The following MARCHF8 variants were observed in gnomAD, a reference collection of about 807,000 sequenced individuals.
MARCHF8 encodes membrane associated ring-CH-type finger 8, also known as E3 ubiquitin-protein ligase MARCHF8.
A neutral mutation model predicts 51.6 loss-of-function variants in MARCHF8; 40 were observed. That is an observed-to-expected ratio of 0.77 (90% confidence interval 0.60 to 1.01). The LOEUF (loss-of-function observed/expected upper bound fraction) is 1.01. MARCHF8 is among the 50% of genes least tolerant of loss of function. The pLI, the probability that MARCHF8 is intolerant of heterozygous loss-of-function variation, is 0.00. For synonymous variants in MARCHF8, 263 were observed against 280.3 expected (o/e 0.94, Z 0.62); for missense variants, 685 against 708.6 (o/e 0.97, Z 0.38).
At position 45,501,781 on chromosome 10, in the gene MARCHF8, T is replaced by C. The variant is rs145571184; in HGVS notation, c.103-12364A>G. ...GTATTTAGAATACAGAAAGAATTCT[T>C]AGACCTGAACATTTTTAAAAATCCA... On this transcript the variant is annotated intron_variant, in intron 2 of 7. Transcript: ENST00000453424. Among the ~76,000 whole-genome samples, 3 of 152,252 alleles carry C rather than the reference T, an allele frequency of 2.0e-5. No individual in the cohort carries two copies. In the East Asian group the frequency reaches 5.8e-4, roughly 29 times the overall value.
intron 2 of MARCHF8, among the ~76,000 whole-genome samples, chr10:45,508,538 C>T (rs533377483): frequency 6.6e-6 from 1 of 152,256 alleles, no homozygotes; most frequent in African/African-American, 2.4e-5. Context: ...TACAACTTCA[C>T]TTTTCAAATG....
At chr10:45,532,997 G>T in intron 2 of MARCHF8, 113 bp downstream of exon 2, 1 of 703,082 alleles carries the variant, frequency 1.4e-6, no homozygotes, top group Non-Finnish European at 2.1e-6. Flanking sequence ...TTGTGTGCTT[G>T]TCAGTATATT....
chr10:45,515,968 T>C (rs921021791), intron 2 of MARCHF8, among the ~76,000 whole-genome samples: 1 of 152,208 alleles, frequency 6.6e-6, no homozygotes, highest in African/African-American at 2.4e-5. Flanking sequence ...TCTTACGAGA[T>C]TTCATGTCCA....
intron 1 of MARCHF8, among the ~76,000 whole-genome samples, chr10:45,578,300 A>C (rs2044512606): frequency 6.6e-6 from 1 of 152,222 alleles, no homozygotes; most frequent in Non-Finnish European, 1.5e-5. Flanking sequence ...TACTCAAAGA[A>C]TTCTGGAGAC....
rs954540671 is a variant in MARCHF8 at position 45,469,814 on chromosome 10, G to A, written c.154-5487C>T. On this transcript the variant is annotated intron_variant, in intron 3 of 7. Coordinates refer to ENST00000453424, the MANE Select transcript of MARCHF8 (RefSeq NM_001282866.2). The stretch of plus-strand genomic sequence containing the variant: ...CGGGAGGCGGAGCTTGCAGTGAGCC[G>A]AGATCGCGCCACTGCACTCCAGCCT... Among the ~76,000 whole-genome samples the A allele has an allele frequency of 2.4e-3, 294 of 123,650 alleles. 1 individual carries two copies. Among genetic ancestry groups the A allele is most frequent in the African/African-American group, 8.6e-3 (279 of 32,260 alleles). The allele number at this position is 123,650 out of a possible 152,430, so 81.1% of individuals were successfully genotyped here.
intron 2 of MARCHF8, among the ~76,000 whole-genome samples, chr10:45,512,826 G>A (rs1171511910): frequency 2.5e-4 from 38 of 152,116 alleles, no homozygotes; most frequent in Non-Finnish European, 3.1e-4. Context: ...GATGGTTGCC[G>A]TGTCTGTGTA....
intron 1 of MARCHF8, among the ~76,000 whole-genome samples, chr10:45,554,092 TG>T (rs1393268804): frequency 2.0e-5 from 3 of 152,212 alleles, no homozygotes; most frequent in Non-Finnish European, 4.4e-5. Flanking sequence ...TTATTTCAAA[TG>T]ATTTAAAACA....
At chr10:45,515,761 G>A (rs2043608352) in intron 2 of MARCHF8, among the ~76,000 whole-genome samples, 1 of 152,180 alleles carries the variant, frequency 6.6e-6, no homozygotes, top group African/African-American at 2.4e-5. Context: ...ATGCCGTGTT[G>A]TCTAGGGGAA....
In MARCHF8 at chr10:45,497,150, C is replaced by T. The variant is rs369243813; in HGVS notation, c.103-7733G>A. 1.9e-3 allele frequency among the ~76,000 whole-genome samples: 296 copies of T among 151,958 alleles called. 1 individual carries two copies. The highest frequency in any genetic ancestry group is 6.7e-3 in the African/African-American group (277 of 41,456). ...AGATACATAGCACAAAAACAACCAC[C>T]ATAAAAAGGGGTAGTCATTATATTA... On this transcript the variant is annotated intron_variant, in intron 2 of 7. Coordinates refer to ENST00000453424, the MANE Select transcript of MARCHF8 (RefSeq NM_001282866.2).
intron 1 of MARCHF8, among the ~76,000 whole-genome samples, chr10:45,548,548 G>A (rs1241386931): frequency 1.3e-5 from 2 of 152,184 alleles, no homozygotes; most frequent in African/African-American, 4.8e-5. Context: ...AATAGCCACA[G>A]TATTCCCTTG....
At chr10:45,481,399 G>T (rs1173058158) in intron 3 of MARCHF8, among the ~76,000 whole-genome samples, 4 of 152,138 alleles carry the variant, frequency 2.6e-5, no homozygotes, top group African/African-American at 9.7e-5. Context: ...ATTTGGGAGG[G>T]GCCGAGGGCG....
intron 1 of MARCHF8, among the ~76,000 whole-genome samples, chr10:45,573,622 G>A (rs1021193718): frequency 1.3e-5 from 2 of 152,164 alleles, no homozygotes; most frequent in Admixed American, 6.5e-5. Context: ...CTGGAACTCC[G>A]GCCCAAGGCT....
chr10:45,520,755 A>G (rs932967545), intron 2 of MARCHF8, among the ~76,000 whole-genome samples: 4 of 152,266 alleles, frequency 2.6e-5, no homozygotes, highest in African/African-American at 7.2e-5. Context: ...AAAACAAATC[A>G]GTCTGACAGC....
intron 1 of MARCHF8, among the ~76,000 whole-genome samples, chr10:45,580,903 C>T (rs1016099984): frequency 2.6e-5 from 4 of 152,250 alleles, no homozygotes; most frequent in African/African-American, 9.6e-5. Flanking sequence ...CAGAGCTTAG[C>T]CCCTACCCAG....
At chr10:45,544,049 C>T (rs1293751642) in intron 1 of MARCHF8, among the ~76,000 whole-genome samples, 1 of 151,844 alleles carries the variant, frequency 6.6e-6, no homozygotes, top group Non-Finnish European at 1.5e-5. Context: ...TTCTGGGCAA[C>T]AGCATGAGAC....
chr10:45,485,971 CA>C (rs2042971708), intron 3 of MARCHF8, among the ~76,000 whole-genome samples: 1 of 152,124 alleles, frequency 6.6e-6, no homozygotes, highest in Admixed American at 6.5e-5. Context: ...ATAAATACTC[CA>C]ATAAAAAAAC....
chr10:45,458,699 G>A (rs555490345), intron 7 of MARCHF8, among the ~76,000 whole-genome samples, 156 bp from the exon 8 acceptor site: 1 of 152,244 alleles, frequency 6.6e-6, no homozygotes, highest in African/African-American at 2.4e-5. Context: ...GGAGTGCAGT[G>A]GCTATTCACA....
At chr10:45,485,225 T>C (rs1272278073) in intron 3 of MARCHF8, among the ~76,000 whole-genome samples, 1 of 152,120 alleles carries the variant, frequency 6.6e-6, no homozygotes, top group East Asian at 1.9e-4. Flanking sequence ...GAAGGTTACA[T>C]GTGGGGTGAA....
intron 6 of MARCHF8, chr10:45,459,694 G>C (rs1243508097): frequency 1.0e-6 from 1 of 984,804 alleles, no homozygotes. Flanking sequence ...CACACTAGCA[G>C]ATGGGTCACA....
Sources: allele counts gnomAD v4.1 joint callset (sites outside exome capture counted in the v4.1 genomes callset), GRCh38; gene constraint gnomAD v4.1.1; transcripts MANE v1.5; gene names NCBI Gene and HGNC (gene_info 2026-07-23, HGNC 2026-07-21).